The following KCNQ5 variants were observed in gnomAD, a reference collection of about 807,000 sequenced individuals.
The protein encoded by KCNQ5 is potassium voltage-gated channel subfamily KQT member 5.
In KCNQ5, 30 loss-of-function variants were observed where a neutral mutation model predicts 98.2. The ratio of observed to expected loss-of-function variants is 0.31; its 90% CI spans 0.23 to 0.41. KCNQ5 has a LOEUF of 0.41. Among genes scored for constraint, KCNQ5 ranks in the 10% least tolerant of loss-of-function variants. The pLI is 1.00. For missense variants in KCNQ5, 835 were observed against 1,182.5 expected (o/e 0.71, Z 4.31); for synonymous variants, 458 against 449.4 (o/e 1.02, Z -0.24).
intron 1 of KCNQ5, among the ~76,000 whole-genome samples, chr6:72,862,171 G>T (rs1777792170): frequency 6.6e-6 from 1 of 152,194 alleles, no homozygotes; most frequent in African/African-American, 2.4e-5. Flanking sequence ...AGCACAAGCT[G>T]GTTGTCACCT....
intron 1 of KCNQ5, among the ~76,000 whole-genome samples, chr6:72,773,453 G>T (rs1773007612): frequency 2.0e-5 from 3 of 152,222 alleles, no homozygotes; most frequent in Admixed American, 1.3e-4. Context: ...GGCCTGTCAG[G>T]GGGTGGGAAG....
At chr6:72,905,505 C>T (rs1425634676) in intron 1 of KCNQ5, among the ~76,000 whole-genome samples, 1 of 152,120 alleles carries the variant, frequency 6.6e-6, no homozygotes, top group African/African-American at 2.4e-5. Context: ...TTTGGGTAGG[C>T]TCTGTCAGAG....
intron 1 of KCNQ5, among the ~76,000 whole-genome samples, chr6:72,982,538 C>G (rs1390447462): frequency 7.2e-6 from 1 of 139,674 alleles, no homozygotes; most frequent in Non-Finnish European, 1.5e-5. Context: ...AGATCTTCCT[C>G]CATCTCTTTA....
chr6:72,679,514 A>C (rs577894218), intron 1 of KCNQ5, among the ~76,000 whole-genome samples: 91 of 143,272 alleles, frequency 6.4e-4, no homozygotes, highest in Non-Finnish European at 1.2e-3. Context: ...ATAGGTGGGA[A>C]TTGAACAATG....
chr6:72,644,131 C>T (rs1254993655), intron 1 of KCNQ5, among the ~76,000 whole-genome samples: 2 of 152,166 alleles, frequency 1.3e-5, no homozygotes, highest in Non-Finnish European at 2.9e-5. Context: ...CATAAGGTCA[C>T]TGCAAATACT....
intron 1 of KCNQ5, among the ~76,000 whole-genome samples, chr6:72,889,645 A>G (rs867865089): frequency 1.3e-5 from 2 of 152,328 alleles, no homozygotes; most frequent in Middle Eastern, 3.4e-3. Context: ...TTTCAGTGGC[A>G]CAAAGAAGAG....
chr6:72,996,591 G>A (rs748349826), intron 1 of KCNQ5, among the ~76,000 whole-genome samples: 13 of 152,318 alleles, frequency 8.5e-5, no homozygotes, highest in Middle Eastern at 3.4e-3. Context: ...GGTAGGAAAA[G>A]TACAACAAAT....
intron 1 of KCNQ5, among the ~76,000 whole-genome samples, chr6:72,625,577 A>G (rs999661528): frequency 3.3e-5 from 5 of 152,234 alleles, no homozygotes; most frequent in Admixed American, 1.3e-4. Context: ...GCGTTGATGC[A>G]GCAAATGTGG....
At chr6:72,905,607 T>C (rs1779667489) in intron 1 of KCNQ5, among the ~76,000 whole-genome samples, 2 of 152,186 alleles carry the variant, frequency 1.3e-5, no homozygotes, top group South Asian at 4.1e-4. Flanking sequence ...CCAGTGGATG[T>C]GGCTTCCTGA....
chr6:73,140,971 A>C (rs1342295499), intron 10 of KCNQ5, among the ~76,000 whole-genome samples: 1 of 152,110 alleles, frequency 6.6e-6, no homozygotes, highest in Non-Finnish European at 1.5e-5. Context: ...TTGGGTGGAG[A>C]GTGACCTCTC....
At chr6:72,999,274 A>G (rs1413563503) in intron 1 of KCNQ5, among the ~76,000 whole-genome samples, 1 of 152,186 alleles carries the variant, frequency 6.6e-6, no homozygotes, top group Admixed American at 6.5e-5. Flanking sequence ...TCTTGAGTAA[A>G]CATAGAGTCC....
intron 2 of KCNQ5, among the ~76,000 whole-genome samples, chr6:73,021,095 G>T (rs532152623): frequency 6.6e-6 from 1 of 151,908 alleles, no homozygotes; most frequent in Admixed American, 6.6e-5. Flanking sequence ...TTCTCAGCTC[G>T]CTCTCTTCTT....
intron 1 of KCNQ5, among the ~76,000 whole-genome samples, chr6:72,623,182 C>T (rs1373635331): frequency 6.6e-6 from 1 of 152,142 alleles, no homozygotes; most frequent in Non-Finnish European, 1.5e-5. Context: ...TGCATGTAGC[C>T]CTTCCTGCCA....
Position 72,987,893 on chromosome 6 carries a change from A to C in KCNQ5, c.399-16015A>C. 1.7e-5 allele frequency: 5 copies of C among 293,670 alleles called. No homozygotes were observed. In the Admixed American group the frequency reaches 1.9e-4, roughly 11 times the overall value. 18.2% of individuals were successfully genotyped at this position (293,670 alleles called of 1,614,324 possible). ...GGATATAAATAACTCCCATAAACTTAGCGTTCCAATAATGGAACACTAGGC... is the reference window on the plus strand; with the variant it reads ...GGATATAAATAACTCCCATAAACTTCGCGTTCCAATAATGGAACACTAGGC... On this transcript the variant is annotated intron_variant, in intron 1 of 13. Transcript: ENST00000370398.
In KCNQ5 at chr6:73,066,147, A is replaced by G. The variant is rs140039935; in HGVS notation, c.617-11175A>G. Among the ~76,000 whole-genome samples, 128 of 152,308 alleles carry G rather than the reference A, an allele frequency of 8.4e-4. 1 individual carries two copies. The highest frequency in any genetic ancestry group is 5.8e-3 in the South Asian group (28 of 4,826). On this transcript the variant is annotated intron_variant, in intron 3 of 13. Transcript: ENST00000370398. ...GGTGACAGAGACTGTCTCAAAAATA[A>G]AATAAAAACTAAAATATTAAAAACA... is the stretch of plus-strand genomic sequence containing the variant.
intron 5 of KCNQ5, among the ~76,000 whole-genome samples, chr6:73,088,618 G>A (rs1359879552): frequency 1.3e-5 from 2 of 151,966 alleles, no homozygotes; most frequent in East Asian, 1.9e-4. Flanking sequence ...CAAATCTCAC[G>A]CCAAACCAAA....
At chr6:72,873,774 G>T (rs1010671677) in intron 1 of KCNQ5, among the ~76,000 whole-genome samples, 1 of 151,914 alleles carries the variant, frequency 6.6e-6, no homozygotes, top group African/African-American at 2.4e-5. Context: ...AATGAGATGA[G>T]CTAGTTTCTC....
At chr6:72,755,011 A>G (rs1419900779) in intron 1 of KCNQ5, among the ~76,000 whole-genome samples, 1 of 151,470 alleles carries the variant, frequency 6.6e-6, no homozygotes, top group East Asian at 1.9e-4. Flanking sequence ...TGCTTCTTGT[A>G]TTATGAAGTT....
At chr6:73,111,706 T>C (rs1341785359) in intron 7 of KCNQ5, among the ~76,000 whole-genome samples, 1 of 152,218 alleles carries the variant, frequency 6.6e-6, no homozygotes, top group Non-Finnish European at 1.5e-5. Flanking sequence ...TAATATGTCT[T>C]ATGAATTACT....
Sources: allele counts gnomAD v4.1 joint callset (sites outside exome capture counted in the v4.1 genomes callset), GRCh38; gene constraint gnomAD v4.1.1; transcripts MANE v1.5; gene names NCBI Gene and HGNC (gene_info 2026-07-23, HGNC 2026-07-21).